Variants in RORA observed in about 807,000 individuals in gnomAD.
RORA encodes the protein RAR related orphan receptor A.
RORA carries 7 observed loss-of-function variants against 69.5 expected under a neutral mutation model. The ratio of observed to expected loss-of-function variants is 0.10; its 90% CI spans 0.06 to 0.19. RORA has a LOEUF of 0.19. Ranked by LOEUF, RORA falls within the 10% of genes least tolerant of loss-of-function variation. The pLI, the probability that RORA is intolerant of heterozygous loss-of-function variation, is 1.00. For synonymous variants in RORA, 261 were observed against 240.8 expected (o/e 1.08, Z -0.78); for missense variants, 457 against 663.0 (o/e 0.69, Z 3.41).
intron 1 of RORA, among the ~76,000 whole-genome samples, chr15:60,885,755 C>T (rs564491301): frequency 6.6e-6 from 1 of 152,366 alleles, no homozygotes; most frequent in Admixed American, 6.5e-5. Flanking sequence ...GCCATTTGCT[C>T]TGCAGTATAT....
intron 2 of RORA, among the ~76,000 whole-genome samples, chr15:60,583,727 T>G (rs1412536705): frequency 6.6e-6 from 1 of 152,192 alleles, no homozygotes; most frequent in Non-Finnish European, 1.5e-5. Flanking sequence ...CAGAAAAATA[T>G]TTCAAGTGTG....
chr15:60,902,900 C>T (rs1284776979), intron 1 of RORA, among the ~76,000 whole-genome samples: 1 of 152,172 alleles, frequency 6.6e-6, no homozygotes, highest in Non-Finnish European at 1.5e-5. Flanking sequence ...GCGTACTCCG[C>T]TGAAAGGAAG....
chr15:61,086,776 A>AT (rs1566981760), intron 1 of RORA, among the ~76,000 whole-genome samples: 1 of 151,324 alleles, frequency 6.6e-6, no homozygotes, highest in African/African-American at 2.4e-5. Context: ...CCCACTGCCT[A>AT]TTTTTTTTAA....
intron 2 of RORA, among the ~76,000 whole-genome samples, chr15:60,535,743 GGTGAGTA>G (rs998235356): frequency 2.0e-5 from 3 of 151,998 alleles, no homozygotes; most frequent in African/African-American, 7.3e-5. Flanking sequence ...TCATTCTGTG[GGTGAGTA>G]GTGATCTCTC....
intron 1 of RORA, among the ~76,000 whole-genome samples, chr15:61,016,088 C>T (rs1246867158): frequency 2.0e-5 from 3 of 152,170 alleles, no homozygotes; most frequent in African/African-American, 7.2e-5. Context: ...GGTGTAAAAA[C>T]AAGAACATTA....
At chr15:60,958,569 C>T (rs1364607433) in intron 1 of RORA, among the ~76,000 whole-genome samples, 1 of 151,972 alleles carries the variant, frequency 6.6e-6, no homozygotes, top group Non-Finnish European at 1.5e-5. Flanking sequence ...GAATTTTATC[C>T]CTGTTTTAAA....
intron 1 of RORA, among the ~76,000 whole-genome samples, chr15:60,680,335 C>T (rs895652132): frequency 3.3e-5 from 5 of 152,318 alleles, no homozygotes; most frequent in South Asian, 2.1e-4. Context: ...TATCTATATT[C>T]GCTGAGTGTG....
chr15:60,993,137 G>A (rs1894432284), intron 1 of RORA, among the ~76,000 whole-genome samples: 1 of 152,156 alleles, frequency 6.6e-6, no homozygotes, highest in Admixed American at 6.6e-5. Context: ...TTCTTGGATA[G>A]TGGTAACATT....
chr15:60,580,812 C>T (rs1022500747), intron 2 of RORA, among the ~76,000 whole-genome samples: 5 of 152,164 alleles, frequency 3.3e-5, no homozygotes, highest in Admixed American at 6.5e-5. Flanking sequence ...AAGCTGTGAT[C>T]GCTTTGATGT....
chr15:60,715,369 A>G (rs113507594), intron 1 of RORA, among the ~76,000 whole-genome samples: 5 of 152,334 alleles, frequency 3.3e-5, no homozygotes, highest in African/African-American at 1.2e-4. Context: ...GCTGTAAAAC[A>G]TCTTCTTCCT....
intron 1 of RORA, among the ~76,000 whole-genome samples, chr15:61,137,961 T>C (rs1421471831): frequency 6.6e-6 from 1 of 152,218 alleles, no homozygotes; most frequent in African/African-American, 2.4e-5. Context: ...GAAAACATAC[T>C]TACCCTGGAA....
intron 1 of RORA, among the ~76,000 whole-genome samples, chr15:60,945,562 C>G (rs1417300829): frequency 6.6e-6 from 1 of 152,186 alleles, no homozygotes; most frequent in Non-Finnish European, 1.5e-5. Context: ...AGGAAAACGG[C>G]TCTTTCTCCA....
chr15:60,567,416 ATTT>A (rs199954074), intron 2 of RORA, among the ~76,000 whole-genome samples: 7 of 142,810 alleles, frequency 4.9e-5, no homozygotes, highest in African/African-American at 1.6e-4. Context: ...TATTATTATT[ATTT>A]TTTTTTTTCT....
chr15:60,649,260 C>T (rs570771179), intron 2 of RORA, among the ~76,000 whole-genome samples: 3 of 151,886 alleles, frequency 2.0e-5, no homozygotes, highest in East Asian at 1.9e-4. Flanking sequence ...AAAAAATCCC[C>T]GGCATATAAG....
rs57814074 is a variant in RORA, at chr15:61,074,811, G to A, written c.166+154242C>T. On this transcript the variant is annotated intron_variant, in intron 1 of 10. Transcript: ENST00000335670. Reference sequence around the variant, plus strand: ...TTTAAAGTTTCCTTGGAGAAGTCGGGTGTGGTGGCTAGCACCTGTAATCCC... The same window carrying A: ...TTTAAAGTTTCCTTGGAGAAGTCGGATGTGGTGGCTAGCACCTGTAATCCC... 6.5e-3 allele frequency among the ~76,000 whole-genome samples: 994 copies of A among 152,258 alleles called. 14 individuals are homozygous for A. Among genetic ancestry groups the A allele is most frequent in the African/African-American group, 0.022 (916 of 41,550 alleles).
intron 1 of RORA, among the ~76,000 whole-genome samples, chr15:60,840,803 GGCCCGGCA>G (rs1358464179): frequency 6.6e-6 from 1 of 152,182 alleles, no homozygotes; most frequent in Non-Finnish European, 1.5e-5. Context: ...CTGTCTCCGT[GGCCCGGCA>G]GCCTGACTGA....
chr15:61,032,457 A>T (rs1181509428), intron 1 of RORA, among the ~76,000 whole-genome samples: 1 of 152,236 alleles, frequency 6.6e-6, no homozygotes, highest in Admixed American at 6.5e-5. Flanking sequence ...TGGTTTTCAA[A>T]CTATAAGCCA....
intron 2 of RORA, among the ~76,000 whole-genome samples, chr15:60,635,830 C>G (rs1367088228): frequency 1.3e-5 from 2 of 152,158 alleles, no homozygotes; most frequent in Admixed American, 1.3e-4. Flanking sequence ...AAATGCTGCA[C>G]TCTTGTCTTG....
Position 60,520,911 on chromosome 15 carries a change from T to C in RORA, c.283-6154A>G, listed in dbSNP as rs118110864. ...GTGAGCTTGAGCCAGAGAGCCACCA[T>C]GATACATTTCAGGTAGTATACGTTT... On this transcript the variant is annotated intron_variant, in intron 3 of 10. Transcript: ENST00000335670. Among the ~76,000 whole-genome samples, 906 of 152,346 alleles carry C rather than the reference T, an allele frequency of 5.9e-3. 1 individual carries two copies. Among genetic ancestry groups the C allele is most frequent in the Admixed American group, 9.5e-3 (146 of 15,302 alleles).
Sources: allele counts gnomAD v4.1 joint callset (sites outside exome capture counted in the v4.1 genomes callset), GRCh38; gene constraint gnomAD v4.1.1; transcripts MANE v1.5; gene names NCBI Gene and HGNC (gene_info 2026-07-23, HGNC 2026-07-21).